UNC5B: variants seen among roughly 807,000 people sequenced by gnomAD.
UNC5B encodes netrin receptor UNC5B.
UNC5B carries 56 observed loss-of-function variants against 103.7 expected under a neutral mutation model. The ratio of observed to expected loss-of-function variants is 0.54; its 90% CI spans 0.44 to 0.67. The LOEUF is 0.67. Ranked by LOEUF, UNC5B falls within the 30% of genes least tolerant of loss-of-function variation. The pLI is 0.00. For missense variants in UNC5B, 1,194 were observed against 1,284.5 expected (o/e 0.93, Z 1.08); for synonymous variants, 577 against 542.0 (o/e 1.06, Z -0.90).
chr10:71,252,048 C>CATAT (rs35976435), intron 1 of UNC5B, among the ~76,000 whole-genome samples: 147 of 152,176 alleles, frequency 9.7e-4, no homozygotes, highest in Non-Finnish European at 1.8e-3. Context: ...ATAAGTGTCA[C>CATAT]ATATATATAT....
chr10:71,226,481 G>A (rs747228185), intron 1 of UNC5B, among the ~76,000 whole-genome samples: 4 of 152,226 alleles, frequency 2.6e-5, no homozygotes, highest in Admixed American at 6.5e-5. Flanking sequence ...TCCTTCATTT[G>A]CTGGCTGCAT....
chr10:71,240,929 T>C (rs10999742), intron 1 of UNC5B, among the ~76,000 whole-genome samples: 10,876 of 152,348 alleles, frequency 0.071, 499 homozygotes, highest in East Asian at 0.14. Flanking sequence ...CAGGATGGCC[T>C]GCTGAGCTTC....
At chr10:71,268,924 GC>G (rs1844581736) in intron 1 of UNC5B, among the ~76,000 whole-genome samples, 1 of 152,204 alleles carries the variant, frequency 6.6e-6, no homozygotes, top group Non-Finnish European at 1.5e-5. Context: ...CACTCCCCGT[GC>G]CAGCTCTGCG....
rs34957097 is a variant in UNC5B at position 71,286,860 on chromosome 10, A to G, written c.724A>G (p.Ile242Val). The G allele has an allele frequency of 0.05, 81,218 of 1,614,006 alleles. 2,507 individuals are homozygous for G. The highest frequency in any genetic ancestry group is 0.091 in the South Asian group (8,295 of 91,072). ...AKRRSTTATVIVYVNGGWSSW... is the reference protein window; with the variant it reads ...AKRRSTTATVVVYVNGGWSSW... ...ACGCCGGAGCACCACTGCCACCGTC[A>G]TCGTCTACGGTGCGGGCCTTTCGGA... The change falls in exon 5 of 17, where the codon ATC (isoleucine) becomes GTC (valine). Residue 242 changes from isoleucine to valine, a missense_variant. Ile to Val is a conservative substitution (Grantham distance 29, BLOSUM62 3). Transcript: ENST00000335350.
chr10:71,236,447 G>A (rs1034115896), intron 1 of UNC5B, among the ~76,000 whole-genome samples: 6 of 152,194 alleles, frequency 3.9e-5, no homozygotes, highest in African/African-American at 1.4e-4. Flanking sequence ...GCTGAGGATC[G>A]GGTGGTGTGG....
intron 1 of UNC5B, among the ~76,000 whole-genome samples, chr10:71,232,503 T>C (rs1336341522): frequency 1.3e-5 from 2 of 152,214 alleles, no homozygotes; most frequent in Non-Finnish European, 1.5e-5. Flanking sequence ...TCCTCTTGGC[T>C]CAGCACGGGG....
intron 2 of UNC5B, among the ~76,000 whole-genome samples, chr10:71,282,003 T>C (rs1844942221): frequency 6.6e-6 from 1 of 152,228 alleles, no homozygotes; most frequent in East Asian, 1.9e-4. Context: ...GTGTGCCTGC[T>C]GGGGCCCCTC....
chr10:71,293,433 T>C lies in UNC5B; in HGVS notation c.1801T>C (p.Leu601=), dbSNP rs1430060291. 4 of 1,613,958 alleles carry C rather than the reference T, an allele frequency of 2.5e-6. No individual in the cohort carries two copies. Among genetic ancestry groups the C allele is most frequent in the South Asian group, 1.1e-5 (1 of 91,042 alleles). Reference sequence around the variant, plus strand: ...GCTTTCAGAAGGGACCCAGACAGTATTGAGCCCCTCGGTGACCTGTGGACC... The same window carrying C: ...GCTTTCAGAAGGGACCCAGACAGTACTGAGCCCCTCGGTGACCTGTGGACC... The part of the protein sequence containing the change: ...LPLSEGTQTV[L]SPSVTCGPTG... Residue 601 remains leucine, a synonymous_variant, in exon 12 of 17, where the codon TTG becomes CTG. Transcript: ENST00000335350.
chr10:71,298,950 C>T (rs921590172), intron 16 of UNC5B, among the ~76,000 whole-genome samples, 162 bp from the exon 17 acceptor site: 13 of 152,194 alleles, frequency 8.5e-5, no homozygotes, highest in African/African-American at 2.9e-4. Context: ...TCTGAATTGC[C>T]GAGAGCCACA....
rs1246334458 is a variant in UNC5B, at chr10:71,218,889, G to A, written c.79+5825G>A. Among the ~76,000 whole-genome samples, 3 of 152,186 alleles carry A rather than the reference G, an allele frequency of 2.0e-5. No homozygotes were observed. In the East Asian group the frequency reaches 5.8e-4, roughly 29 times the overall value. On this transcript the variant is annotated intron_variant, in intron 1 of 16. Coordinates refer to ENST00000335350, the MANE Select transcript of UNC5B (RefSeq NM_170744.5). ...GTGGAGAACCCCATCTCAGGCTGAC[G>A]TGGCTGGGGCCTGGGACTCTCAGCG... is the stretch of plus-strand genomic sequence containing the variant.
chr10:71,264,894 G>A (rs2132284663), intron 1 of UNC5B, among the ~76,000 whole-genome samples: 1 of 151,728 alleles, frequency 6.6e-6, no homozygotes, highest in Middle Eastern at 3.4e-3. Flanking sequence ...AGCACTTTGG[G>A]AAGCCGAAAT....
At chr10:71,277,383 G>A (rs1844797153) in intron 1 of UNC5B, among the ~76,000 whole-genome samples, 2 of 152,352 alleles carry the variant, frequency 1.3e-5, no homozygotes, top group South Asian at 4.1e-4. Flanking sequence ...TCTTGAGTCT[G>A]AAGGCAGAGC....
At chr10:71,285,606 A>G (rs757054654) in intron 4 of UNC5B, among the ~76,000 whole-genome samples, 177 bp downstream of exon 4, 16 of 152,102 alleles carry the variant, frequency 1.1e-4, no homozygotes, top group Non-Finnish European at 1.8e-4. Flanking sequence ...GAACGCAGCA[A>G]TGCCAGATCC....
rs574336295 is a variant in UNC5B at position 71,296,697 on chromosome 10, G to A, written c.2445G>A (p.Val815=). ...CCTGCAAGATCTGCGTGCGGCAAGT[G>A]GAAGGGGAGGGCCAGATATTCCAGC... ...ELTCKICVRQ[V]EGEGQIFQLH... The change falls in exon 15 of 17, where the codon GTG becomes GTA. Residue 815 remains valine (V), a synonymous_variant. Transcript: ENST00000335350. The A allele has an allele frequency of 5.6e-6, 9 of 1,614,172 alleles. No individual in the cohort carries two copies. Among genetic ancestry groups the A allele is most frequent in the East Asian group, 2.2e-5 (1 of 44,890 alleles).
At chr10:71,257,429 C>T (rs1051121856) in intron 1 of UNC5B, among the ~76,000 whole-genome samples, 1 of 152,234 alleles carries the variant, frequency 6.6e-6, no homozygotes, top group Non-Finnish European at 1.5e-5. Flanking sequence ...TTGCCCCCTT[C>T]CCCCTCCAGG....
In UNC5B at chr10:71,294,188, AG is replaced by A. The variant is rs555756923; in HGVS notation, c.2175+256del. On this transcript the variant is annotated intron_variant, in intron 13 of 16. Coordinates refer to ENST00000335350, the MANE Select transcript of UNC5B (RefSeq NM_170744.5). ...ATGGGGTCTGCCCCAGGACTGAGGG[AG>A]CATCAGACTGGGAGGGGCTTGGGCT... Among the ~76,000 whole-genome samples the A allele has an allele frequency of 4.1e-3, 626 of 152,286 alleles. 2 individuals carry two copies. Among genetic ancestry groups the A allele is most frequent in the Middle Eastern group, 0.017 (5 of 294 alleles).
At chr10:71,242,492 C>T (rs554655609) in intron 1 of UNC5B, among the ~76,000 whole-genome samples, 1 of 152,270 alleles carries the variant, frequency 6.6e-6, no homozygotes, top group African/African-American at 2.4e-5. Flanking sequence ...GTCAGGTCTG[C>T]CCCCCTCTCC....
rs1245887235 is a variant in UNC5B at position 71,300,857 on chromosome 10, C to G, written c.*1580C>G. 6.6e-6 allele frequency: 1 copy of G among 152,306 alleles called. No homozygotes were observed. Among genetic ancestry groups the G allele is most frequent in the Non-Finnish European group, 1.5e-5 (1 of 68,124 alleles). The allele number at this position is 152,306 out of a possible 1,614,324, so 9.4% of individuals were successfully genotyped here. A position where few individuals can be genotyped will look rare whatever the true frequency, so the allele number is the denominator to read the frequency against. On this transcript the variant is annotated 3_prime_UTR_variant, in exon 17 of 17. Coordinates refer to ENST00000335350, the MANE Select transcript of UNC5B (RefSeq NM_170744.5). ...CACAGGCACCTCCTATAACCCTCCT[C>G]TCACCCACCCCGCTACGGTCTGAGA...
At chr10:71,216,474 G>C (rs1445391083) in intron 1 of UNC5B, among the ~76,000 whole-genome samples, 1 of 152,186 alleles carries the variant, frequency 6.6e-6, no homozygotes, top group East Asian at 1.9e-4. Flanking sequence ...CCAACCCCCA[G>C]CATTGGCCTC....
Sources: allele counts gnomAD v4.1 joint callset (sites outside exome capture counted in the v4.1 genomes callset), GRCh38; gene constraint gnomAD v4.1.1; transcripts MANE v1.5; gene names NCBI Gene and HGNC (gene_info 2026-07-23, HGNC 2026-07-21).